The following MPHOSPH6 variants were observed in gnomAD, a reference collection of about 807,000 sequenced individuals.
MPHOSPH6 encodes M-phase phosphoprotein 6.
A neutral mutation model predicts 21.8 loss-of-function variants in MPHOSPH6; 25 were observed. The ratio of observed to expected loss-of-function variants is 1.15; its 90% CI spans 0.83 to 1.60. MPHOSPH6 has a LOEUF of 1.60. Ranked by LOEUF, MPHOSPH6 falls within the 40% of genes most tolerant of loss-of-function variation. The pLI, the probability that MPHOSPH6 is intolerant of heterozygous loss-of-function variation, is 0.00. For synonymous variants in MPHOSPH6, 84 were observed against 56.5 expected, an observed-to-expected ratio of 1.49 and a Z score of -2.18; for missense variants, 269 against 181.8, an observed-to-expected ratio of 1.48 and a Z score of -2.76.
chr16:82,158,592 T>G (rs1874337080), intron 2 of MPHOSPH6, among the ~76,000 whole-genome samples: 1 of 152,126 alleles, frequency 6.6e-6, no homozygotes, highest in South Asian at 2.1e-4. Context: ...ATTAGACACT[T>G]TTTTTCAATG....
At chr16:82,153,961 T>C (rs949443199) in intron 2 of MPHOSPH6, among the ~76,000 whole-genome samples, 2 of 152,250 alleles carry the variant, frequency 1.3e-5, no homozygotes, top group Admixed American at 6.5e-5. Flanking sequence ...AGTGATTACA[T>C]TTAGGGCCCA....
chr16:82,152,095 A>T (rs1030223011), intron 2 of MPHOSPH6, among the ~76,000 whole-genome samples: 12 of 152,264 alleles, frequency 7.9e-5, no homozygotes, highest in South Asian at 2.1e-4. Flanking sequence ...TACCAAGAGG[A>T]TAAAAAGGAC....
rs1906687306 is a variant in MPHOSPH6 at position 82,164,117 on chromosome 16, G to A, written c.129C>T (p.His43=). 3.1e-6 allele frequency: 5 copies of A among 1,613,052 alleles called. No individual in the cohort carries two copies. The highest frequency in any genetic ancestry group is 1.3e-5 in the African/African-American group (1 of 75,026). ...TAAGCTCTGGCAAATCCAAGTACCA[G>A]TGCTCTTCACTAATGATTTTCTTTT... ...EEEKKIISEE[H]WYLDLPELKE... is the part of the protein sequence containing the mutation. Residue 43 remains histidine (H), a synonymous_variant, in exon 2 of 5, where the codon CAC becomes CAT. Transcript: ENST00000258169.
intron 1 of MPHOSPH6, among the ~76,000 whole-genome samples, chr16:82,169,568 C>G (rs1232917555): frequency 6.6e-6 from 1 of 152,194 alleles, no homozygotes; most frequent in African/African-American, 2.4e-5. Flanking sequence ...AAAATACCCC[C>G]TCTCTCCATA....
intron 1 of MPHOSPH6, among the ~76,000 whole-genome samples, chr16:82,165,498 A>G (rs1906744820): frequency 6.6e-6 from 1 of 152,104 alleles, no homozygotes; most frequent in Non-Finnish European, 1.5e-5. Context: ...CACTTTAACA[A>G]TGACTACTAA....
intron 1 of MPHOSPH6, among the ~76,000 whole-genome samples, chr16:82,167,806 C>T (rs1375465636): frequency 1.3e-5 from 2 of 152,176 alleles, no homozygotes; most frequent in Non-Finnish European, 2.9e-5. Flanking sequence ...GTTTCGCTCG[C>T]TTGCCTGCCC....
chr16:82,150,489 C>T (rs1370100349), intron 3 of MPHOSPH6, among the ~76,000 whole-genome samples: 1 of 152,172 alleles, frequency 6.6e-6, no homozygotes, highest in African/African-American at 2.4e-5. Flanking sequence ...AAAAGGAAAA[C>T]TAACCTAGAA....
At chr16:82,167,037 A>G (rs1366944099) in intron 1 of MPHOSPH6, among the ~76,000 whole-genome samples, 1 of 152,184 alleles carries the variant, frequency 6.6e-6, no homozygotes, top group Non-Finnish European at 1.5e-5. Flanking sequence ...TGTCGTCGAT[A>G]AAGTTTTACT....
intron 1 of MPHOSPH6, chr16:82,165,022 A>C (rs1906720615): frequency 6.6e-6 from 1 of 152,126 alleles, no homozygotes; most frequent in Non-Finnish European, 1.5e-5. Flanking sequence ...ATAAAATCAG[A>C]AAATACCCAG....
At chr16:82,170,063 G>C in intron 1 of MPHOSPH6, 62 bp downstream of exon 1, 1 of 1,536,324 alleles carries the variant, frequency 6.5e-7, no homozygotes, top group African/African-American at 1.4e-5. Context: ...CCTCGGCCCC[G>C]GCCAGGTTGG....
intron 2 of MPHOSPH6, among the ~76,000 whole-genome samples, chr16:82,160,042 GAC>G (rs1405969115): frequency 2.6e-5 from 4 of 152,196 alleles, no homozygotes; most frequent in Non-Finnish European, 5.9e-5. Context: ...CCCAGAGAAA[GAC>G]AACCTCCAGA....
rs571608974 is a variant in MPHOSPH6 at position 82,168,664 on chromosome 16, G to A, written c.51+1461C>T. Among the ~76,000 whole-genome samples, 6 of 152,120 alleles carry A rather than the reference G, an allele frequency of 3.9e-5. No individual in the cohort carries two copies. The East Asian group carries it at 9.7e-4, about 25-fold the overall frequency. On this transcript the variant is annotated intron_variant, in intron 1 of 4. Transcript: ENST00000258169. ...ATTTTGTATTTTTTGTAGAGATGGG[G>A]TTTCACCATGTTGCCCAGGATGGTC... is the stretch of plus-strand genomic sequence containing the variant.
chr16:82,156,237 C>A (rs558664494), intron 2 of MPHOSPH6, among the ~76,000 whole-genome samples: 1 of 152,094 alleles, frequency 6.6e-6, no homozygotes, highest in Non-Finnish European at 1.5e-5. Flanking sequence ...ATAACTCCTA[C>A]ATGCACAGAT....
At chr16:82,153,464 G>C (rs912576477) in intron 2 of MPHOSPH6, among the ~76,000 whole-genome samples, 2 of 152,254 alleles carry the variant, frequency 1.3e-5, no homozygotes, top group South Asian at 2.1e-4. Context: ...TTGTGGAGCA[G>C]GGAGTGGGGG....
chr16:82,164,114 C>G lies in MPHOSPH6; in HGVS notation c.132G>C (p.Trp44Cys). 6.2e-7 allele frequency: 1 copy of G among 1,613,042 alleles called. No individual in the cohort carries two copies. Among genetic ancestry groups the G allele is most frequent in the Non-Finnish European group, 8.5e-7 (1 of 1,179,784 alleles). The change falls in exon 2 of 5, where the codon TGG (tryptophan) becomes TGC (cysteine). Residue 44 changes from tryptophan to cysteine, a missense_variant. Transcript: ENST00000258169. ...EEKKIISEEHWYLDLPELKEK... is the reference protein window; with the variant it reads ...EEKKIISEEHCYLDLPELKEK... The stretch of plus-strand genomic sequence containing the variant: ...CTTTAAGCTCTGGCAAATCCAAGTA[C>G]CAGTGCTCTTCACTAATGATTTTCT...
chr16:82,157,772 A>G (rs1054394690), intron 2 of MPHOSPH6, among the ~76,000 whole-genome samples: 2 of 152,184 alleles, frequency 1.3e-5, no homozygotes, highest in African/African-American at 2.4e-5. Flanking sequence ...AGGAAGCAAG[A>G]TATGAGGATG....
At chr16:82,158,464 A>C (rs1438126398) in intron 2 of MPHOSPH6, among the ~76,000 whole-genome samples, 3 of 138,488 alleles carry the variant, frequency 2.2e-5, no homozygotes, top group African/African-American at 8.2e-5. Flanking sequence ...TCGCCACTGC[A>C]CTCCAGCCTG....
chr16:82,163,657 G>A (rs1906673442), intron 2 of MPHOSPH6, among the ~76,000 whole-genome samples: 1 of 152,208 alleles, frequency 6.6e-6, no homozygotes, highest in Non-Finnish European at 1.5e-5. Context: ...ATTACAAGTA[G>A]TAACAATTTA....
At chr16:82,150,700 C>T (rs1040512181) in intron 3 of MPHOSPH6, among the ~76,000 whole-genome samples, 1 of 152,162 alleles carries the variant, frequency 6.6e-6, no homozygotes, top group African/African-American at 2.4e-5. Context: ...GGATGTGGTT[C>T]GTCATTCTCT....
Sources: gnomAD v4.1 joint callset for allele counts (sites outside exome capture counted in the v4.1 genomes callset) on GRCh38, gnomAD v4.1.1 for gene constraint, MANE v1.5 for transcripts, NCBI Gene and HGNC (gene_info 2026-07-23, HGNC 2026-07-21) for gene names.